The following NAV2 variants were observed in gnomAD, a reference collection of about 807,000 sequenced individuals.
NAV2 encodes the protein neuron navigator 2, also known as helicase, APC down-regulated 1.
Under a neutral mutation model 223.2 loss-of-function variants are expected in NAV2, and 54 were observed. The observed-to-expected ratio is 0.24, with a 90% CI of 0.19 to 0.30. The LOEUF (loss-of-function observed/expected upper bound fraction) is 0.30, where lower values mean the gene tolerates loss of function less well. Among genes scored for constraint, NAV2 ranks in the 10% least tolerant of loss-of-function variants. The pLI is 1.00. For synonymous variants in NAV2, 1,279 were observed against 1,239.3 expected, an observed-to-expected ratio of 1.03 and a Z score of -0.67; for missense variants, 2,806 against 3,147.5, an observed-to-expected ratio of 0.89 and a Z score of 2.60.
intron 22 of NAV2, among the ~76,000 whole-genome samples, chr11:20,069,255 C>G (rs1032464959): frequency 6.6e-6 from 1 of 152,024 alleles, no homozygotes; most frequent in Admixed American, 6.6e-5. Flanking sequence ...GGAGAAAGAT[C>G]TTGGTGTATT....
At chr11:19,517,016 A>G (rs2043475279) in intron 1 of NAV2, among the ~76,000 whole-genome samples, 1 of 151,748 alleles carries the variant, frequency 6.6e-6, no homozygotes, top group South Asian at 2.1e-4. Context: ...TCATGACCAG[A>G]CCAGGCAACA....
At chr11:19,552,744 A>G (rs1389590928) in intron 1 of NAV2, among the ~76,000 whole-genome samples, 2 of 152,206 alleles carry the variant, frequency 1.3e-5, no homozygotes, top group East Asian at 3.9e-4. Context: ...GCTGAACAGC[A>G]TTCATTGGCC....
Position 20,092,291 on chromosome 11 carries a change from T to C in NAV2, c.5738T>C (p.Val1913Ala). 4 of 1,614,204 alleles carry C rather than the reference T, an allele frequency of 2.5e-6. No individual in the cohort carries two copies. Among genetic ancestry groups the C allele is most frequent in the Non-Finnish European group, 3.4e-6 (4 of 1,180,024 alleles). ...GGCTGCAGCCGGGCTCCTTCCCAAGTGTCCATCTCTGCCTCCCCGAGGCAG... is the reference window on the plus strand; with the variant it reads ...GGCTGCAGCCGGGCTCCTTCCCAAGCGTCCATCTCTGCCTCCCCGAGGCAG... ...GSGCSRAPSQ[V>A]SISASPRQSM... is the part of the protein sequence containing the mutation. Residue 1913 changes from valine (V) to alanine (A), a missense_variant, in exon 28 of 38, where the codon GTG becomes GCG. Physicochemically the swap from Val to Ala is moderately conservative, Grantham distance 64 (BLOSUM62 0). Coordinates refer to ENST00000349880, the MANE Select transcript of NAV2 (RefSeq NM_145117.5).
chr11:19,863,258 T>C (rs1186755397), intron 3 of NAV2, among the ~76,000 whole-genome samples: 1 of 152,208 alleles, frequency 6.6e-6, no homozygotes, highest in East Asian at 1.9e-4. Flanking sequence ...CTTTATGTGG[T>C]CAACATGCCC....
At chr11:19,347,594 G>A (rs1286339499), upstream of NAV2, among the ~76,000 whole-genome samples, 1 of 152,144 alleles carries the variant, frequency 6.6e-6, no homozygotes, top group African/African-American at 2.4e-5. Flanking sequence ...AGAAGCCAGG[G>A]CTTGCCCTCA....
chr11:20,082,415 GC>G (rs758021762), intron 25 of NAV2, among the ~76,000 whole-genome samples: 19 of 152,120 alleles, frequency 1.2e-4, no homozygotes, highest in Non-Finnish European at 1.9e-4. Flanking sequence ...GGAGGAACAT[GC>G]CCCCAGTGCT....
At chr11:19,530,954 A>G (rs534586822) in intron 1 of NAV2, among the ~76,000 whole-genome samples, 1 of 152,358 alleles carries the variant, frequency 6.6e-6, no homozygotes, top group African/African-American at 2.4e-5. Context: ...TATCCTGTGA[A>G]AACTGATTCA....
intron 1 of NAV2, among the ~76,000 whole-genome samples, chr11:19,747,523 G>A (rs1477293280): frequency 6.6e-6 from 1 of 152,138 alleles, no homozygotes; most frequent in Admixed American, 6.5e-5. Flanking sequence ...TCTCACACAG[G>A]ACAGTAGTCA....
rs372398683 is a variant in NAV2, at chr11:19,879,977, C to T, written c.620C>T (p.Pro207Leu). 1.8e-5 allele frequency: 29 copies of T among 1,608,086 alleles called. No homozygotes were observed. The highest frequency in any genetic ancestry group is 1.3e-4 in the South Asian group (12 of 90,804). ...PQKQHLSSPL[P>L]PAVSQVAGAP... The stretch of plus-strand genomic sequence containing the variant: ...AAGCAGCACCTCTCCTCACCTCTGC[C>T]GCCCGCCGTATCCCAGGTGGCCGGG... The change falls in exon 5 of 38, where the codon CCG (proline) becomes CTG (leucine). Residue 207 changes from proline (P) to leucine (L), a missense_variant. Pro to Leu is a moderately conservative substitution (Grantham distance 98). Around this residue, in one of 4 missense-constraint regions of NAV2, gnomAD observed 1,167 missense variants for 1,180.5 expected, o/e 0.99. Coordinates refer to ENST00000349880, the MANE Select transcript of NAV2 (RefSeq NM_145117.5).
intron 20 of NAV2, among the ~76,000 whole-genome samples, chr11:20,066,253 G>A (rs914322999): frequency 1.3e-5 from 2 of 152,216 alleles, no homozygotes; most frequent in Non-Finnish European, 2.9e-5. Context: ...ATAGTGCCTG[G>A]CACACAGTAG....
At chr11:19,718,600 T>G (rs1361611691) in intron 1 of NAV2, among the ~76,000 whole-genome samples, 1 of 136,338 alleles carries the variant, frequency 7.3e-6, no homozygotes, top group African/African-American at 2.5e-5. Context: ...ATGGATTTGA[T>G]TAGTGCATTT....
chr11:19,934,332 T>C (rs1033289781), intron 7 of NAV2, 55 bp downstream of exon 7: 3 of 1,505,598 alleles, frequency 2.0e-6, no homozygotes, highest in Non-Finnish European at 2.7e-6. Context: ...AGTTCCTTTA[T>C]AGTGGATTCC....
chr11:19,895,964 G>C (rs765460253), intron 6 of NAV2, among the ~76,000 whole-genome samples: 1 of 152,072 alleles, frequency 6.6e-6, no homozygotes, highest in Non-Finnish European at 1.5e-5. Context: ...GGGGAGGGAC[G>C]CTCTTGTGAA....
At chr11:19,816,757 C>T (rs535562856) in intron 1 of NAV2, among the ~76,000 whole-genome samples, 1 of 152,270 alleles carries the variant, frequency 6.6e-6, no homozygotes, top group African/African-American at 2.4e-5. Flanking sequence ...GAGGTCAGTG[C>T]TTTATGGTCC....
chr11:20,115,631 CAA>C (rs386373266), intron 37 of NAV2, among the ~76,000 whole-genome samples: 21 of 47,870 alleles, frequency 4.4e-4, no homozygotes, highest in Admixed American at 2.7e-3. Flanking sequence ...GACTCCGTCT[CAA>C]AAAAAAAAAA....
intron 1 of NAV2, among the ~76,000 whole-genome samples, chr11:19,633,983 G>A (rs2047419705): frequency 6.6e-6 from 1 of 152,188 alleles, no homozygotes; most frequent in African/African-American, 2.4e-5. Flanking sequence ...AATTTAAACA[G>A]CCTAGCACAC....
intron 1 of NAV2, among the ~76,000 whole-genome samples, chr11:19,485,462 G>A (rs559027480): frequency 6.6e-6 from 1 of 152,196 alleles, no homozygotes; most frequent in South Asian, 2.1e-4. Context: ...AACACACAGG[G>A]CTTGACTGAG....
chr11:19,544,894 G>A (rs1471923828), intron 1 of NAV2, among the ~76,000 whole-genome samples: 2 of 152,156 alleles, frequency 1.3e-5, no homozygotes, highest in East Asian at 1.9e-4. Flanking sequence ...AATGAGAATC[G>A]TAGTACCTGC....
intron 1 of NAV2, among the ~76,000 whole-genome samples, chr11:19,684,628 G>A (rs1419610023): frequency 2.0e-5 from 3 of 152,072 alleles, no homozygotes; most frequent in Non-Finnish European, 4.4e-5. Context: ...ACGGCCAAGG[G>A]CACTCACCCA....
Sources: allele counts gnomAD v4.1 joint callset (sites outside exome capture counted in the v4.1 genomes callset), GRCh38; gene constraint gnomAD v4.1.1; regional missense constraint gnomAD v4.1.1; transcripts MANE v1.5; gene names NCBI Gene and HGNC (gene_info 2026-07-23, HGNC 2026-07-21).